Variants in NBEA observed in about 807,000 individuals in gnomAD.
NBEA encodes neurobeachin.
In NBEA, 44 loss-of-function variants were observed where a neutral mutation model predicts 343.4. That is an observed-to-expected ratio of 0.13 (90% CI 0.10 to 0.16). NBEA has a LOEUF of 0.16. NBEA is among the 10% of genes least tolerant of loss of function. NBEA has a pLI of 1.00. For synonymous variants in NBEA, 1,175 were observed against 1,238.7 expected, an observed-to-expected ratio of 0.95 and a Z score of 1.08; for missense variants, 2,555 against 3,631.3, an observed-to-expected ratio of 0.70 and a Z score of 7.62.
At chr13:35,186,848 C>T (rs1388005619) in intron 30 of NBEA, among the ~76,000 whole-genome samples, 3 of 152,086 alleles carry the variant, frequency 2.0e-5, no homozygotes, top group East Asian at 1.9e-4. Flanking sequence ...AGTTCACTTT[C>T]GGTGAACAAC....
intron 33 of NBEA, among the ~76,000 whole-genome samples, chr13:35,226,817 C>A (rs2074680776): frequency 6.6e-6 from 1 of 151,906 alleles, no homozygotes; most frequent in Non-Finnish European, 1.5e-5. Flanking sequence ...CACACAACAG[C>A]TCTGAATTCC....
intron 18 of NBEA, among the ~76,000 whole-genome samples, chr13:35,145,512 T>C (rs1483214197): frequency 6.6e-6 from 1 of 152,208 alleles, no homozygotes; most frequent in East Asian, 1.9e-4. Context: ...CATCCACATA[T>C]TGGCGTGTGG....
At position 35,454,753 on chromosome 13, in the gene NBEA, G is replaced by A. The variant is rs372211238; in HGVS notation, c.6448+2518G>A. Among the ~76,000 whole-genome samples, 369 of 152,110 alleles carry A rather than the reference G, an allele frequency of 2.4e-3. 3 individuals carry two copies. The highest frequency in any genetic ancestry group is 2.8e-3 in the Non-Finnish European group (187 of 67,958). The stretch of plus-strand genomic sequence containing the variant: ...CGGGCACCTGTAGTCCCAGCTACTC[G>A]GGAGGCTGAGGCAGGAGAATGGCAT... On this transcript the variant is annotated intron_variant, in intron 40 of 58. Coordinates refer to ENST00000379939, the MANE Select transcript of NBEA (RefSeq NM_001385012.1).
In NBEA at chr13:35,109,326, C is replaced by G; in HGVS notation, c.1717C>G (p.Gln573Glu). 2 of 1,611,970 alleles carry G rather than the reference C, an allele frequency of 1.2e-6. No individual in the cohort carries two copies. Among genetic ancestry groups the G allele is most frequent in the Non-Finnish European group, 1.7e-6 (2 of 1,178,856 alleles). ...RVHITRAVLE[Q>E]FLSFAKYLDG... is the part of the protein sequence containing the mutation. Reference sequence around the variant, plus strand: ...TCATATAACTAGAGCTGTCCTGGAGCAATTTTTATCTTTTGCAAAATACCT... The same window carrying G: ...TCATATAACTAGAGCTGTCCTGGAGGAATTTTTATCTTTTGCAAAATACCT... Residue 573 changes from glutamine to glutamate, a missense_variant, in exon 12 of 59, where the codon CAA (glutamine) becomes GAA (glutamate). Physicochemically the swap from Gln to Glu is conservative, Grantham distance 29. Around this residue, in one of 21 missense-constraint regions of NBEA, gnomAD observed 360 missense variants for 519.1 expected, o/e 0.69. Transcript: ENST00000379939.
intron 45 of NBEA, among the ~76,000 whole-genome samples, chr13:35,580,786 A>G (rs1208566029): frequency 1.3e-5 from 2 of 152,240 alleles, no homozygotes; most frequent in Non-Finnish European, 2.9e-5. Context: ...ATACATTTTA[A>G]GAAGTTACTA....
intron 17 of NBEA, among the ~76,000 whole-genome samples, chr13:35,132,285 G>A (rs776446259): frequency 8.6e-5 from 13 of 151,996 alleles, no homozygotes; most frequent in East Asian, 1.9e-4. Context: ...AGCCTCCCAC[G>A]TAGCCAGGAC....
intron 10 of NBEA, among the ~76,000 whole-genome samples, chr13:35,075,126 G>T (rs1420662980): frequency 6.6e-6 from 1 of 152,082 alleles, no homozygotes; most frequent in Non-Finnish European, 1.5e-5. Context: ...CAGAACCAGG[G>T]TTCTAATCCT....
chr13:35,103,059 C>T (rs2065728768), intron 11 of NBEA, among the ~76,000 whole-genome samples: 1 of 151,320 alleles, frequency 6.6e-6, no homozygotes, highest in African/African-American at 2.4e-5. Flanking sequence ...TTCTGGTTTC[C>T]TAAGAGTTTT....
chr13:35,080,428 A>G (rs2064333574), intron 10 of NBEA, among the ~76,000 whole-genome samples: 2 of 152,154 alleles, frequency 1.3e-5, no homozygotes, highest in South Asian at 2.1e-4. Context: ...GAAGATTCAT[A>G]CATTCTCTGA....
At chr13:35,551,407 T>C (rs1262066648) in intron 43 of NBEA, among the ~76,000 whole-genome samples, 1 of 152,188 alleles carries the variant, frequency 6.6e-6, no homozygotes, top group East Asian at 1.9e-4. Flanking sequence ...ATGCCATATA[T>C]AAATGCTTCT....
intron 24 of NBEA, 149 bp downstream of exon 24, chr13:35,164,658 T>G: frequency 2.3e-6 from 2 of 854,092 alleles, no homozygotes; most frequent in South Asian, 3.2e-5. Context: ...TCCACCACTT[T>G]TGTTTATCAG....
chr13:35,255,847 TC>T (rs2032528034), intron 34 of NBEA, among the ~76,000 whole-genome samples: 2 of 152,208 alleles, frequency 1.3e-5, no homozygotes, highest in Admixed American at 1.3e-4. Context: ...AGTCCCAAGT[TC>T]TTGACCCATG....
intron 38 of NBEA, among the ~76,000 whole-genome samples, chr13:35,421,174 T>G (rs1248174787): frequency 1.3e-5 from 2 of 152,032 alleles, no homozygotes; most frequent in African/African-American, 4.8e-5. Flanking sequence ...AGTGTTGATA[T>G]TTTTTATTGT....
intron 38 of NBEA, among the ~76,000 whole-genome samples, chr13:35,381,561 TAA>T (rs1361462955): frequency 5.9e-5 from 9 of 152,186 alleles, no homozygotes; most frequent in African/African-American, 2.2e-4. Context: ...TGAGAAACAT[TAA>T]GTTATTTAAA....
At chr13:34,962,747 C>A (rs1408263467) in intron 1 of NBEA, among the ~76,000 whole-genome samples, 1 of 152,008 alleles carries the variant, frequency 6.6e-6, no homozygotes, top group Non-Finnish European at 1.5e-5. Context: ...TTCCTGTATT[C>A]CCTGCTTATT....
intron 48 of NBEA, among the ~76,000 whole-genome samples, chr13:35,614,772 T>C (rs944810008): frequency 3.3e-5 from 5 of 152,214 alleles, no homozygotes; most frequent in Non-Finnish European, 5.9e-5. Context: ...TCTCCCCTAG[T>C]ATAGCTGCTT....
Position 34,942,648 on chromosome 13 carries a change from A to C in NBEA, c.-173A>C. ...GGATCCCCCGCCGCCTCCGCGGGGG[A>C]GAGCGCCGGAGCGGGCCGGGCTGAG... On this transcript the variant is annotated 5_prime_UTR_variant, in exon 1 of 59. Coordinates refer to ENST00000379939, the MANE Select transcript of NBEA (RefSeq NM_001385012.1). 5 of 354,016 alleles carry C rather than the reference A, an allele frequency of 1.4e-5. No individual in the cohort carries two copies. Among genetic ancestry groups the C allele is most frequent in the Non-Finnish European group, 1.5e-5 (3 of 205,492 alleles). The allele number at this position is 354,016 out of a possible 1,614,324, so 21.9% of individuals were successfully genotyped here.
chr13:35,110,702 T>G, intron 12 of NBEA, 108 bp from the exon 13 acceptor site: 1 of 772,866 alleles, frequency 1.3e-6, no homozygotes, highest in South Asian at 3.7e-5. Flanking sequence ...TAAATGGTCA[T>G]TTCTTGGTCT....
At chr13:35,235,879 A>AT (rs1056468699) in intron 34 of NBEA, among the ~76,000 whole-genome samples, 16 of 151,598 alleles carry the variant, frequency 1.1e-4, no homozygotes, top group African/African-American at 2.9e-4. Context: ...GTGAACCTGG[A>AT]TTTTTTTTTA....
Sources: gnomAD v4.1 joint callset for allele counts (sites outside exome capture counted in the v4.1 genomes callset) on GRCh38, gnomAD v4.1.1 for gene constraint, gnomAD v4.1.1 regional missense constraint, MANE v1.5 for transcripts, NCBI Gene and HGNC (gene_info 2026-07-23, HGNC 2026-07-21) for gene names.